The following FILIP1L variants were observed in gnomAD, a reference collection of about 807,000 sequenced individuals.
The protein encoded by FILIP1L is filamin A-interacting protein 1-like.
Under a neutral mutation model 96.6 loss-of-function variants are expected in FILIP1L, and 55 were observed. The observed-to-expected ratio is 0.57, with a 90% CI of 0.46 to 0.71. FILIP1L has a LOEUF of 0.71. Ranked by LOEUF, FILIP1L falls within the 30% of genes least tolerant of loss-of-function variation. FILIP1L has a pLI of 0.00. For synonymous variants in FILIP1L, 467 were observed against 473.9 expected, an observed-to-expected ratio of 0.99 and a Z score of 0.19; for missense variants, 1,304 against 1,321.2, an observed-to-expected ratio of 0.99 and a Z score of 0.20.
chr3:99,921,074 CTTTG>C (rs928552594), intron 4 of FILIP1L, among the ~76,000 whole-genome samples: 3 of 152,102 alleles, frequency 2.0e-5, no homozygotes, highest in Non-Finnish European at 4.4e-5. Context: ...GTTTACAACA[CTTTG>C]TTTGAGGAAG....
chr3:99,848,419 G>A lies in FILIP1L; in HGVS notation c.3257C>T (p.Pro1086Leu). Residue 1086 changes from proline (P) to leucine (L), a missense_variant, in exon 5 of 6, where the codon CCA (proline) becomes CTA (leucine). Pro to Leu is a moderately conservative substitution (Grantham distance 98). Coordinates refer to ENST00000477258, the MANE Select transcript of FILIP1L (RefSeq NM_001387850.1). ...GCCTTGAGTTCGGTTATCCTGCAGT[G>A]GTGCTGAAGGGCTGGCAGGTCTCAC... ...SPVRPASPSA[P>L]LQDNRTQGLI... The A allele has an allele frequency of 1.2e-6, 2 of 1,614,184 alleles. No homozygotes were observed. Among genetic ancestry groups the A allele is most frequent in the Non-Finnish European group, 1.7e-6 (2 of 1,180,014 alleles).
intron 1 of FILIP1L, among the ~76,000 whole-genome samples, chr3:99,998,815 C>T (rs758238807): frequency 2.0e-4 from 30 of 152,336 alleles, no homozygotes; most frequent in Non-Finnish European, 2.8e-4. Context: ...GTGATCCGCC[C>T]GCCTTAGCCT....
At chr3:99,972,055 T>C (rs1022537459) in intron 1 of FILIP1L, among the ~76,000 whole-genome samples, 1 of 152,186 alleles carries the variant, frequency 6.6e-6, no homozygotes, top group Admixed American at 6.5e-5. Context: ...GACTAAGCAG[T>C]TAAGTGAATC....
chr3:99,948,721 G>A (rs10936003), intron 1 of FILIP1L, among the ~76,000 whole-genome samples: 73,316 of 149,538 alleles, frequency 0.49, 18,422 homozygotes, highest in East Asian at 0.69. Flanking sequence ...GAAGGGAAAG[G>A]GAAGTGGAAG....
chr3:99,902,346 A>T (rs1237351167), intron 4 of FILIP1L, among the ~76,000 whole-genome samples: 2 of 152,174 alleles, frequency 1.3e-5, no homozygotes, highest in African/African-American at 4.8e-5. Context: ...GTTGAATTGA[A>T]CTGAATTGAA....
intron 5 of FILIP1L, among the ~76,000 whole-genome samples, chr3:99,836,108 T>C (rs1406123677): frequency 6.6e-6 from 1 of 152,154 alleles, no homozygotes; most frequent in Non-Finnish European, 1.5e-5. Flanking sequence ...GGCTGGAGAA[T>C]TGCTGTGATC....
At chr3:100,072,386 A>G (rs1331144009) in intron 1 of FILIP1L, among the ~76,000 whole-genome samples, 1 of 152,204 alleles carries the variant, frequency 6.6e-6, no homozygotes, top group African/African-American at 2.4e-5. Context: ...TCCTTGATTC[A>G]GGCTTGGAGC....
intron 3 of FILIP1L, among the ~76,000 whole-genome samples, chr3:99,929,263 C>G (rs900509908): frequency 6.6e-6 from 1 of 152,156 alleles, no homozygotes. Context: ...CCACCTTTGC[C>G]GTTGTAATTG....
chr3:99,870,775 CA>C (rs1220341204), intron 4 of FILIP1L, among the ~76,000 whole-genome samples: 1 of 152,200 alleles, frequency 6.6e-6, no homozygotes, highest in African/African-American at 2.4e-5. Flanking sequence ...GGTTTACCCA[CA>C]GAAACTTTGG....
intron 1 of FILIP1L, among the ~76,000 whole-genome samples, chr3:99,992,986 G>T (rs370852036): frequency 6.6e-6 from 1 of 151,954 alleles, no homozygotes; most frequent in African/African-American, 2.4e-5. Context: ...GTATGCGGCC[G>T]TATTTCTGGG....
chr3:100,048,545 C>G (rs542622987), intron 1 of FILIP1L, among the ~76,000 whole-genome samples: 16 of 152,322 alleles, frequency 1.1e-4, no homozygotes, highest in Admixed American at 5.2e-4. Context: ...TATTGTGACA[C>G]AACCCACCAC....
chr3:100,001,720 A>C (rs16841874), intron 1 of FILIP1L, among the ~76,000 whole-genome samples: 74,509 of 151,956 alleles, frequency 0.49, 18,739 homozygotes, highest in East Asian at 0.69. Context: ...GATGTGGCCA[A>C]GGTTTTCAAA....
chr3:100,061,850 C>T (rs897200592), intron 1 of FILIP1L, among the ~76,000 whole-genome samples: 2 of 152,118 alleles, frequency 1.3e-5, no homozygotes, highest in African/African-American at 4.8e-5. Flanking sequence ...AGAGACTTCA[C>T]TTTTTTCATT....
intron 1 of FILIP1L, among the ~76,000 whole-genome samples, chr3:100,082,908 A>G (rs891776537): frequency 6.6e-6 from 1 of 152,196 alleles, no homozygotes; most frequent in Non-Finnish European, 1.5e-5. Context: ...ACATTCCACA[A>G]TCTGTAGAAT....
chr3:100,058,561 C>G (rs2107337515), intron 1 of FILIP1L, among the ~76,000 whole-genome samples: 1 of 152,322 alleles, frequency 6.6e-6, no homozygotes, highest in East Asian at 1.9e-4. Context: ...TTTGCTCCTC[C>G]AACTTTCATT....
Position 99,924,298 on chromosome 3 carries a change from C to T in FILIP1L, c.537G>A (p.Lys179=). ...RQTILELEEE[K]RKHKEYMEKS... ...TCTCCATGTATTCTTTATGTTTTCT[C>T]TTTTCTTCCTCCAACTCCAATATGG... Residue 179 remains lysine, a synonymous_variant, in exon 4 of 6, where the codon AAG becomes AAA. Transcript: ENST00000477258. The T allele has an allele frequency of 6.2e-7, 1 of 1,614,056 alleles. No individual in the cohort carries two copies. Among genetic ancestry groups the T allele is most frequent in the Non-Finnish European group, 8.5e-7 (1 of 1,179,948 alleles).
intron 1 of FILIP1L, among the ~76,000 whole-genome samples, chr3:100,014,431 A>G (rs562065242): frequency 2.8e-4 from 42 of 152,088 alleles, no homozygotes; most frequent in African/African-American, 8.9e-4. Flanking sequence ...TATTTTCTGT[A>G]ATAGCTATTA....
chr3:99,850,761 G>C lies in FILIP1L; in HGVS notation c.915C>G (p.Asp305Glu). Reference sequence around the variant, plus strand: ...TGAGCTTCGCCATAATTGTGTCTTGGTCTTGGTGAAACTTTGTGGTCTGCG... The same window carrying C: ...TGAGCTTCGCCATAATTGTGTCTTGCTCTTGGTGAAACTTTGTGGTCTGCG... ...LQTQTTKFHQ[D>E]QDTIMAKLTN... is the part of the protein sequence containing the mutation. The change falls in exon 5 of 6, where the codon GAC becomes GAG. Residue 305 changes from aspartate to glutamate, a missense_variant. Transcript: ENST00000477258. 1 of 1,614,188 alleles carries C rather than the reference G, an allele frequency of 6.2e-7. No homozygotes were observed. The highest frequency in any genetic ancestry group is 8.5e-7 in the Non-Finnish European group (1 of 1,180,030).
chr3:99,987,090 C>G lies in FILIP1L; in HGVS notation c.-10-56060G>C, dbSNP rs552842882. On this transcript the variant is annotated intron_variant, in intron 1 of 5. Coordinates refer to ENST00000477258, the MANE Select transcript of FILIP1L (RefSeq NM_001387850.1). ...CAAAAAAATACAAAAATTAGCCAAC[C>G]GTGGTGGCATGCACCTGTAGTTCCA... 2.0e-4 allele frequency among the ~76,000 whole-genome samples: 30 copies of G among 151,912 alleles called. 1 individual carries two copies. Among genetic ancestry groups the G allele is most frequent in the Middle Eastern group, 6.3e-3 (2 of 316 alleles).
Sources: allele counts gnomAD v4.1 joint callset (sites outside exome capture counted in the v4.1 genomes callset), GRCh38; gene constraint gnomAD v4.1.1; transcripts MANE v1.5; gene names NCBI Gene and HGNC (gene_info 2026-07-23, HGNC 2026-07-21).